SLC35D1: variants seen among roughly 807,000 people sequenced by gnomAD.
SLC35D1 encodes nucleotide sugar transporter SLC35D1.
A neutral mutation model predicts 46.7 loss-of-function variants in SLC35D1; 31 were observed. That is an observed-to-expected ratio of 0.66 (90% CI 0.50 to 0.90). The LOEUF is 0.90. Ranked by LOEUF, SLC35D1 falls within the 40% of genes least tolerant of loss-of-function variation. The pLI is 0.00. For synonymous variants in SLC35D1, 195 were observed against 164.6 expected, an observed-to-expected ratio of 1.18 and a Z score of -1.41; for missense variants, 397 against 426.2, an observed-to-expected ratio of 0.93 and a Z score of 0.60.
chr1:66,985,901 G>GT, the SLC35D1 span: 1 of 972,728 alleles, frequency 1.0e-6, no homozygotes, highest in Non-Finnish European at 1.2e-6. Context: ...TTAGATTGCA[G>GT]TTTGTTTTGC....
chr1:66,997,938 A>G (rs1360941209), downstream of SLC35D1, among the ~76,000 whole-genome samples: 1 of 151,872 alleles, frequency 6.6e-6, no homozygotes, highest in Non-Finnish European at 1.5e-5. Context: ...GATGCTCAAC[A>G]TCACTAATCA....
chr1:66,994,416 G>A (rs1282683287), downstream of SLC35D1, among the ~76,000 whole-genome samples: 1 of 152,106 alleles, frequency 6.6e-6, no homozygotes, highest in Non-Finnish European at 1.5e-5. Context: ...AGGCCGAGGC[G>A]GGTGATCACT....
chr1:67,036,790 T>C (rs1668133477), intron 8 of SLC35D1, among the ~76,000 whole-genome samples: 1 of 151,942 alleles, frequency 6.6e-6, no homozygotes, highest in Admixed American at 6.6e-5. Flanking sequence ...ACATTCAATA[T>C]TATTACTGTT....
intron 8 of SLC35D1, among the ~76,000 whole-genome samples, chr1:67,030,080 C>T (rs924331870): frequency 6.6e-6 from 1 of 151,410 alleles, no homozygotes; most frequent in African/African-American, 2.4e-5. Context: ...GGAAAGGTTA[C>T]GCATACCCTG....
intron 8 of SLC35D1, among the ~76,000 whole-genome samples, chr1:67,030,742 C>A (rs2755251): frequency 0.6 from 91,411 of 151,936 alleles, 28,943 homozygotes; most frequent in East Asian, 0.84. Context: ...TCTATTAAGT[C>A]CCATGTGCCA....
chr1:67,041,003 T>A (rs900244210), intron 8 of SLC35D1, among the ~76,000 whole-genome samples: 5 of 152,126 alleles, frequency 3.3e-5, no homozygotes, highest in Non-Finnish European at 7.4e-5. Flanking sequence ...TATTCCCCAA[T>A]AGTATGACAC....
chr1:67,049,459 C>T (rs1051337822), intron 6 of SLC35D1, among the ~76,000 whole-genome samples: 1 of 152,128 alleles, frequency 6.6e-6, no homozygotes, highest in African/African-American at 2.4e-5. Context: ...ATACCCATAC[C>T]TCTCAGAGGT....
rs1371736947 is a variant in SLC35D1 at position 66,999,564 on chromosome 1, A to G, written c.*4776T>C. 4 of 152,356 alleles carry G rather than the reference A, an allele frequency of 2.6e-5. No individual in the cohort carries two copies. Among genetic ancestry groups the G allele is most frequent in the Non-Finnish European group, 5.9e-5 (4 of 68,042 alleles). The allele number at this position is 152,356 out of a possible 1,614,324, so 9.4% of individuals were successfully genotyped here. The stretch of plus-strand genomic sequence containing the variant: ...AAGCTAACACCTGTAGACAAAAATC[A>G]GTTGATCATCAGCATGAGAAAGAAA... On this transcript the variant is annotated 3_prime_UTR_variant, in exon 12 of 12. Coordinates refer to ENST00000235345, the MANE Select transcript of SLC35D1 (RefSeq NM_015139.3).
intron 9 of SLC35D1, 130 bp from the exon 10 acceptor site, chr1:67,020,577 C>T (rs1667776203): frequency 2.8e-6 from 2 of 707,532 alleles, no homozygotes; most frequent in Admixed American, 4.0e-5. Context: ...CCCCACCTCA[C>T]TGCTTCTTAT....
intron 8 of SLC35D1, among the ~76,000 whole-genome samples, chr1:67,036,943 A>G (rs1415724428): frequency 3.3e-5 from 5 of 151,652 alleles, no homozygotes; most frequent in African/African-American, 9.7e-5. Flanking sequence ...TTTTTTATCT[A>G]TCTGTTGTAT....
chr1:67,037,038 T>G (rs1668138075), intron 8 of SLC35D1, among the ~76,000 whole-genome samples: 1 of 152,126 alleles, frequency 6.6e-6, no homozygotes, highest in East Asian at 1.9e-4. Context: ...TAACACTGTG[T>G]GCATAAACAA....
chr1:67,042,708 G>T (rs138025186), intron 7 of SLC35D1, among the ~76,000 whole-genome samples: 1 of 152,216 alleles, frequency 6.6e-6, no homozygotes, highest in Non-Finnish European at 1.5e-5. Flanking sequence ...TCTCTTTCTA[G>T]AACTGAATCA....
At chr1:67,007,217 A>G (rs1208750634) in intron 11 of SLC35D1, among the ~76,000 whole-genome samples, 1 of 152,220 alleles carries the variant, frequency 6.6e-6, no homozygotes, top group Non-Finnish European at 1.5e-5. Context: ...CTTATAAACA[A>G]CAGAAATTTA....
chr1:66,996,651 G>A (rs1667241727), downstream of SLC35D1, among the ~76,000 whole-genome samples: 1 of 152,162 alleles, frequency 6.6e-6, no homozygotes, highest in African/African-American at 2.4e-5. Context: ...AGAACTGTAG[G>A]AAAGAAGAAT....
chr1:67,008,527 A>G (rs1482641639), intron 11 of SLC35D1: 2 of 1,109,674 alleles, frequency 1.8e-6, no homozygotes, highest in Non-Finnish European at 2.4e-6. Flanking sequence ...ATCTGAATGG[A>G]ACGTGCCGAA....
intron 8 of SLC35D1, among the ~76,000 whole-genome samples, chr1:67,029,195 C>T (rs1558158634): frequency 6.6e-6 from 1 of 152,066 alleles, no homozygotes; most frequent in Non-Finnish European, 1.5e-5. Flanking sequence ...AGACTAAATG[C>T]TACTTTTATC....
chr1:66,991,147 G>T, the SLC35D1 span, among the ~76,000 whole-genome samples: 1 of 152,134 alleles, frequency 6.6e-6, no homozygotes, highest in African/African-American at 2.4e-5. Context: ...TGCATCACTG[G>T]TAGAGGGTAC....
the SLC35D1 span, chr1:66,981,645 G>A: frequency 1.5e-6 from 1 of 652,086 alleles, no homozygotes; most frequent in Non-Finnish European, 2.5e-6. Flanking sequence ...ATCCTGGTAT[G>A]ATAGATGAAG....
chr1:67,041,270 A>G (rs1668236258), intron 8 of SLC35D1, among the ~76,000 whole-genome samples: 1 of 152,180 alleles, frequency 6.6e-6, no homozygotes, highest in South Asian at 2.1e-4. Context: ...CAGGTAGGTC[A>G]CAGTTCATTA....
Sources: allele counts gnomAD v4.1 joint callset (sites outside exome capture counted in the v4.1 genomes callset), GRCh38; gene constraint gnomAD v4.1.1; transcripts MANE v1.5; gene names NCBI Gene and HGNC (gene_info 2026-07-23, HGNC 2026-07-21).